The following ZBTB20 variants were observed in gnomAD, a reference collection of about 807,000 sequenced individuals.
ZBTB20 encodes zinc finger and BTB domain-containing protein 20.
Under a neutral mutation model 56.9 loss-of-function variants are expected in ZBTB20, and 9 were observed. That is an observed-to-expected ratio of 0.16 (90% CI 0.10 to 0.28). The LOEUF is 0.28. Ranked by LOEUF, ZBTB20 falls within the 10% of genes least tolerant of loss-of-function variation. The pLI is 1.00. For synonymous variants in ZBTB20, 417 were observed against 420.7 expected, an observed-to-expected ratio of 0.99 and a Z score of 0.11; for missense variants, 655 against 1,003.0, an observed-to-expected ratio of 0.65 and a Z score of 4.69.
At chr3:114,852,556 G>A (rs866621206) in intron 4 of ZBTB20, among the ~76,000 whole-genome samples, 21 of 152,054 alleles carry the variant, frequency 1.4e-4, no homozygotes, top group Non-Finnish European at 2.8e-4. Context: ...GAGCCACACC[G>A]TACCTGGCCT....
At chr3:115,028,681 T>C (rs1401447773) in intron 2 of ZBTB20, among the ~76,000 whole-genome samples, 1 of 150,454 alleles carries the variant, frequency 6.6e-6, no homozygotes, top group Non-Finnish European at 1.5e-5. Context: ...AAGTTTTCCA[T>C]TAGAATATCT....
intron 4 of ZBTB20, among the ~76,000 whole-genome samples, chr3:114,854,314 A>G (rs1358871649): frequency 1.3e-5 from 2 of 152,218 alleles, no homozygotes; most frequent in Non-Finnish European, 2.9e-5. Context: ...ACTACTATCA[A>G]AGATAATAGA....
At position 114,432,039 on chromosome 3, in the gene ZBTB20, C is replaced by G. The variant is rs573666997; in HGVS notation, c.-254-42934G>C. Among the ~76,000 whole-genome samples, 8 of 152,134 alleles carry G rather than the reference C, an allele frequency of 5.3e-5. No individual in the cohort carries two copies. In the East Asian group the frequency reaches 1.5e-3, roughly 29 times the overall value. ...GATGTGCAGTTGTCTCTTTCTTATA[C>G]AGACAGCAGAGAGAGGGGGGAAAAC... is the stretch of plus-strand genomic sequence containing the variant. On this transcript the variant is annotated intron_variant, in intron 7 of 11. Transcript: ENST00000675478.
intron 6 of ZBTB20, among the ~76,000 whole-genome samples, chr3:114,683,724 T>A (rs879065217): frequency 6.6e-6 from 1 of 151,934 alleles, no homozygotes; most frequent in Non-Finnish European, 1.5e-5. Flanking sequence ...ACTCTCCCCA[T>A]CCTAGATTTT....
At chr3:114,732,014 T>C (rs2065801273) in intron 5 of ZBTB20, among the ~76,000 whole-genome samples, 1 of 152,174 alleles carries the variant, frequency 6.6e-6, no homozygotes, top group African/African-American at 2.4e-5. Context: ...GATCACATAT[T>C]GTAGACATCA....
chr3:114,663,456 G>A (rs1264283147), intron 6 of ZBTB20, among the ~76,000 whole-genome samples: 4 of 147,952 alleles, frequency 2.7e-5, no homozygotes, highest in South Asian at 2.3e-4. Context: ...AAAGACCATC[G>A]AGACTAGGAA....
chr3:114,731,661 T>G (rs2065757618), intron 5 of ZBTB20, among the ~76,000 whole-genome samples: 1 of 152,212 alleles, frequency 6.6e-6, no homozygotes, highest in South Asian at 2.1e-4. Context: ...CAGCTGTACC[T>G]ACATTAGTTA....
At chr3:115,030,025 C>CAA (rs970408962) in intron 2 of ZBTB20, among the ~76,000 whole-genome samples, 9 of 150,884 alleles carry the variant, frequency 6.0e-5, no homozygotes, top group African/African-American at 1.7e-4. Context: ...CAGCTGAAAA[C>CAA]AATGTCCTAT....
At chr3:114,609,680 A>G (rs1211594505) in intron 6 of ZBTB20, among the ~76,000 whole-genome samples, 2 of 152,166 alleles carry the variant, frequency 1.3e-5, no homozygotes, top group African/African-American at 4.8e-5. Flanking sequence ...TTGGAGCACA[A>G]TAATTTTTTC....
chr3:114,982,608 T>A (rs1263800853), intron 2 of ZBTB20, among the ~76,000 whole-genome samples: 1 of 152,010 alleles, frequency 6.6e-6, no homozygotes, highest in Non-Finnish European at 1.5e-5. Context: ...ATTGAATTAC[T>A]CCCTAAAATA....
chr3:114,472,305 T>C (rs1425727735), intron 7 of ZBTB20, among the ~76,000 whole-genome samples: 1 of 152,196 alleles, frequency 6.6e-6, no homozygotes, highest in Non-Finnish European at 1.5e-5. Flanking sequence ...ATTTTCCAAA[T>C]TCCAACCTGT....
chr3:115,027,395 T>G (rs1349981974), intron 2 of ZBTB20: 1 of 150,978 alleles, frequency 6.6e-6, no homozygotes, highest in Admixed American at 6.6e-5. Flanking sequence ...ATGGATATTC[T>G]GTCTCTTCCT....
In ZBTB20 at chr3:114,947,698, C is replaced by T. The variant is rs1266431100; in HGVS notation, c.-456+26668G>A. On this transcript the variant is annotated intron_variant, in intron 3 of 11. Transcript: ENST00000675478. The stretch of plus-strand genomic sequence containing the variant: ...GATATGAGAAATTATTTAATGGGTA[C>T]TATGTGTGTTATTCAGGTTATGAAT... Among the ~76,000 whole-genome samples the T allele has an allele frequency of 2.1e-5, 3 of 145,638 alleles. 1 individual carries two copies. The highest frequency in any genetic ancestry group is 2.0e-4 in the Admixed American group (3 of 15,114).
intron 2 of ZBTB20, among the ~76,000 whole-genome samples, chr3:114,982,188 A>G (rs923566003): frequency 1.3e-5 from 2 of 152,056 alleles, no homozygotes; most frequent in Non-Finnish European, 2.9e-5. Flanking sequence ...GGCAACCAAG[A>G]CAACAGTATA....
chr3:114,699,415 C>T (rs1425271974), intron 5 of ZBTB20, among the ~76,000 whole-genome samples: 1 of 151,780 alleles, frequency 6.6e-6, no homozygotes, highest in Non-Finnish European at 1.5e-5. Context: ...CAAGAATGTA[C>T]TGATTTCCAT....
chr3:115,052,483 A>C (rs2081591315), intron 2 of ZBTB20, among the ~76,000 whole-genome samples: 1 of 152,056 alleles, frequency 6.6e-6, no homozygotes, highest in Non-Finnish European at 1.5e-5. Context: ...TGACTAGACC[A>C]CAGTACTATC....
chr3:114,536,107 T>A (rs936014711), intron 6 of ZBTB20, among the ~76,000 whole-genome samples: 5 of 152,180 alleles, frequency 3.3e-5, no homozygotes, highest in African/African-American at 1.2e-4. Flanking sequence ...ATGCCTTCTC[T>A]CACCACTCCT....
chr3:114,380,824 T>C lies in ZBTB20; in HGVS notation c.-37A>G. On this transcript the variant is annotated 5_prime_UTR_variant, in exon 9 of 12. Transcript: ENST00000675478. Reference sequence around the variant, plus strand: ...CTTAGAGACAGGACTCGTGGAGTAATGGGAGGAGCACTGGACTGGGAGTCA... The same window carrying C: ...CTTAGAGACAGGACTCGTGGAGTAACGGGAGGAGCACTGGACTGGGAGTCA... 2.0e-6 allele frequency: 3 copies of C among 1,492,840 alleles called. No homozygotes were observed. Among genetic ancestry groups the C allele is most frequent in the Non-Finnish European group, 2.7e-6 (3 of 1,129,816 alleles). 92.5% of individuals were successfully genotyped at this position (1,492,840 alleles called of 1,614,324 possible). A position where few individuals can be genotyped will look rare whatever the true frequency, so the allele number is the denominator to read the frequency against.
chr3:114,471,223 G>C (rs2040088919), intron 7 of ZBTB20, among the ~76,000 whole-genome samples: 1 of 152,090 alleles, frequency 6.6e-6, no homozygotes, highest in Non-Finnish European at 1.5e-5. Context: ...TCCATGCATT[G>C]AACTCTTAAT....
Sources: gnomAD v4.1 joint callset for allele counts (sites outside exome capture counted in the v4.1 genomes callset) on GRCh38, gnomAD v4.1.1 for gene constraint, MANE v1.5 for transcripts, NCBI Gene and HGNC (gene_info 2026-07-23, HGNC 2026-07-21) for gene names.